The following COL13A1 variants were observed in gnomAD, a reference collection of about 807,000 sequenced individuals.
COL13A1 encodes the protein collagen type XIII alpha 1 chain.
A neutral mutation model predicts 130.9 loss-of-function variants in COL13A1; 89 were observed. The ratio of observed to expected loss-of-function variants is 0.68; its 90% confidence interval spans 0.57 to 0.81. COL13A1 has a LOEUF of 0.81. COL13A1 is among the 30% of genes least tolerant of loss of function. The pLI is 0.00. For missense variants in COL13A1, 879 were observed against 934.6 expected (o/e 0.94, Z 0.78); for synonymous variants, 402 against 341.6 (o/e 1.18, Z -1.95).
Position 69,917,268 on chromosome 10 carries a change from CTT to C in COL13A1, c.922-19_922-18del. On this transcript the variant is annotated intron_variant, in intron 17 of 40. Coordinates refer to ENST00000645393, the MANE Select transcript of COL13A1 (RefSeq NM_001368882.1). The stretch of plus-strand genomic sequence containing the variant: ...CCCCGAGTCTGGTCCTCTCCTCATG[CTT>C]TCTCATTTCTTCCTCCAGGGAGAAC... 1.2e-6 allele frequency: 2 copies of C among 1,613,650 alleles called. No individual in the cohort carries two copies. The highest frequency in any genetic ancestry group is 1.7e-6 in the Non-Finnish European group (2 of 1,179,706).
Position 69,952,910 on chromosome 10 carries a change from G to A in COL13A1, c.2087G>A (p.Gly696Glu). The change falls in exon 39 of 41, where the codon GGG becomes GAG. Residue 696 changes from glycine (G) to glutamate (E), a missense_variant. Coordinates refer to ENST00000645393, the MANE Select transcript of COL13A1 (RefSeq NM_001368882.1). ...RGERGKKGSR[G>E]PKGDKGDQGA... ...GAGAGGGGGAAGAAAGGCTCTAGAG[G>A]GCCTAAAGGGGATAAGGGAGACCAA... is the stretch of plus-strand genomic sequence containing the variant. 6.4e-7 allele frequency: 1 copy of A among 1,555,204 alleles called. No individual in the cohort carries two copies. Among genetic ancestry groups the A allele is most frequent in the Non-Finnish European group, 8.6e-7 (1 of 1,159,302 alleles).
At chr10:69,923,762 G>A in intron 23 of COL13A1, 40 bp from the exon 24 acceptor site, 7 of 1,594,726 alleles carry the variant, frequency 4.4e-6, no homozygotes, top group Non-Finnish European at 5.1e-6. Context: ...CTGTCCAGGT[G>A]CCCAGCATGC....
Position 69,931,834 on chromosome 10 carries a change from T to C in COL13A1, c.1684-726T>C, listed in dbSNP as rs148151634. ...AAGAAAATACACACTTATTGGCACATAGTTTCTGTGGGTCAGGAATTCAGG... is the reference window on the plus strand; with the variant it reads ...AAGAAAATACACACTTATTGGCACACAGTTTCTGTGGGTCAGGAATTCAGG... On this transcript the variant is annotated intron_variant, in intron 30 of 40. Coordinates refer to ENST00000645393, the MANE Select transcript of COL13A1 (RefSeq NM_001368882.1). Among the ~76,000 whole-genome samples the C allele has an allele frequency of 5.3e-5, 8 of 152,338 alleles. No homozygotes were observed. In the East Asian group the frequency reaches 1.5e-3, roughly 29 times the overall value.
intron 2 of COL13A1, among the ~76,000 whole-genome samples, chr10:69,836,875 C>T (rs954500012): frequency 7.2e-5 from 11 of 151,900 alleles, no homozygotes; most frequent in Non-Finnish European, 1.3e-4. Flanking sequence ...AGATGCCCAG[C>T]AGGCGGTGGG....
At chr10:69,947,525 C>T (rs956844139) in intron 38 of COL13A1, among the ~76,000 whole-genome samples, 183 bp downstream of exon 38, 2 of 152,182 alleles carry the variant, frequency 1.3e-5, no homozygotes, top group Admixed American at 6.5e-5. Flanking sequence ...GCCTGATCCT[C>T]ACATGGAAGC....
chr10:69,841,950 G>A (rs759479143), intron 2 of COL13A1, among the ~76,000 whole-genome samples: 113 of 152,284 alleles, frequency 7.4e-4, no homozygotes, highest in Non-Finnish European at 1.4e-3. Context: ...CCACGTTAAG[G>A]CTTTCATCTT....
intron 1 of COL13A1, among the ~76,000 whole-genome samples, chr10:69,807,073 C>A (rs1312947126): frequency 6.6e-6 from 1 of 152,202 alleles, no homozygotes; most frequent in Non-Finnish European, 1.5e-5. Context: ...AGAGGAGGGT[C>A]TCAGCAGCCA....
chr10:69,819,530 T>C lies in COL13A1; in HGVS notation c.295-2839T>C, dbSNP rs144796015. Among the ~76,000 whole-genome samples, 490 of 152,220 alleles carry C rather than the reference T, an allele frequency of 3.2e-3. 2 individuals are homozygous for C. The highest frequency in any genetic ancestry group is 0.011 in the African/African-American group (448 of 41,534). ...TGGGGTGGCCCTAGAGTCAGTCCAA[T>C]TTGAGGCAGAGGGGCCAGGTCTGCA... On this transcript the variant is annotated intron_variant, in intron 1 of 40. Transcript: ENST00000645393.
At chr10:69,927,215 G>A (rs898236578) in intron 27 of COL13A1, 105 bp downstream of exon 27, 2 of 1,552,126 alleles carry the variant, frequency 1.3e-6, no homozygotes, top group African/African-American at 2.7e-5. Context: ...AGCAGGTACT[G>A]GGCTGCAGAT....
intron 2 of COL13A1, among the ~76,000 whole-genome samples, chr10:69,835,928 G>A (rs1849929342): frequency 6.6e-6 from 1 of 152,230 alleles, no homozygotes; most frequent in South Asian, 2.1e-4. Context: ...TACTTTATGT[G>A]GCAGGTACTA....
chr10:69,946,019 G>A (rs548449118), intron 37 of COL13A1, among the ~76,000 whole-genome samples: 11 of 151,058 alleles, frequency 7.3e-5, no homozygotes, highest in Non-Finnish European at 1.5e-4. Flanking sequence ...GCAGTGAGCC[G>A]AGATCGCACC....
chr10:69,805,696 G>A (rs922142176), intron 1 of COL13A1, among the ~76,000 whole-genome samples: 2 of 152,240 alleles, frequency 1.3e-5, no homozygotes, highest in African/African-American at 4.8e-5. Context: ...CAGCTTCTGG[G>A]CCTGCAAAGC....
rs2070823558 is a variant in COL13A1, at chr10:69,956,930, T to A, written c.2146-74T>A. Reference sequence around the variant, plus strand: ...CAGCTGCCAAAATGCGTGTGGCCCTTGTTACCCCTGTCCTGCCCACTTGGT... The same window carrying A: ...CAGCTGCCAAAATGCGTGTGGCCCTAGTTACCCCTGTCCTGCCCACTTGGT... On this transcript the variant is annotated intron_variant, in intron 39 of 40. Transcript: ENST00000645393. 2.4e-6 allele frequency: 3 copies of A among 1,230,272 alleles called. No individual in the cohort carries two copies. The South Asian group carries it at 3.6e-5, about 15-fold the overall frequency. The allele number at this position is 1,230,272 out of a possible 1,614,324, so 76.2% of individuals were successfully genotyped here.
At chr10:69,842,274 C>A (rs377129291) in intron 2 of COL13A1, among the ~76,000 whole-genome samples, 1 of 152,212 alleles carries the variant, frequency 6.6e-6, no homozygotes, top group Admixed American at 6.5e-5. Flanking sequence ...CACATTAAGA[C>A]GTGCCTTTCA....
At chr10:69,876,720 G>A (rs1278545657) in intron 5 of COL13A1, among the ~76,000 whole-genome samples, 3 of 152,182 alleles carry the variant, frequency 2.0e-5, no homozygotes, top group Admixed American at 6.5e-5. Context: ...AGTCACCTGC[G>A]TCACCATAGC....
chr10:69,886,944 G>C (rs905213994), intron 7 of COL13A1, among the ~76,000 whole-genome samples: 12 of 152,216 alleles, frequency 7.9e-5, no homozygotes, highest in Non-Finnish European at 7.3e-5. Context: ...GGAGAAGCCT[G>C]CTGGCTAGAG....
chr10:69,948,338 T>G (rs1387293456), intron 38 of COL13A1, among the ~76,000 whole-genome samples: 2 of 126,274 alleles, frequency 1.6e-5, no homozygotes, highest in Non-Finnish European at 3.6e-5. Context: ...AACAGTGAAT[T>G]CCATCTCTTC....
chr10:69,930,501 G>A lies in COL13A1; in HGVS notation c.1632G>A (p.Gly544=). The change falls in exon 30 of 41, where the codon GGG becomes GGA. Residue 544 remains glycine, a synonymous_variant. Transcript: ENST00000645393. ...PGVKGENGHP[G]SPGEKGEKGE... is the part of the protein sequence containing the mutation. ...TGAAGGGAGAAAACGGGCACCCAGG[G>A]AGCCCAGGAGAGAAGGGGGAAAAAG... 6.2e-7 allele frequency: 1 copy of A among 1,613,922 alleles called. No homozygotes were observed. The highest frequency in any genetic ancestry group is 8.5e-7 in the Non-Finnish European group (1 of 1,179,850).
chr10:69,900,113 G>A (rs903674728), intron 14 of COL13A1, among the ~76,000 whole-genome samples: 3 of 152,306 alleles, frequency 2.0e-5, no homozygotes, highest in South Asian at 2.1e-4. Flanking sequence ...GAGGCCCACT[G>A]GCAGCTTAGA....
Sources: gnomAD v4.1 joint callset for allele counts (sites outside exome capture counted in the v4.1 genomes callset) on GRCh38, gnomAD v4.1.1 for gene constraint, MANE v1.5 for transcripts, NCBI Gene and HGNC (gene_info 2026-07-23, HGNC 2026-07-21) for gene names.